Variants in DEPDC1B observed in about 807,000 individuals in gnomAD.
DEPDC1B encodes DEP domain-containing protein 1B.
Under a neutral mutation model 66.5 loss-of-function variants are expected in DEPDC1B, and 51 were observed. The observed-to-expected ratio is 0.77, with a 90% CI of 0.61 to 0.97. The LOEUF is 0.97. Ranked by LOEUF, DEPDC1B falls within the 50% of genes least tolerant of loss-of-function variation. DEPDC1B has a pLI of 0.00. For synonymous variants in DEPDC1B, 226 were observed against 223.6 expected, an observed-to-expected ratio of 1.01 and a Z score of -0.10; for missense variants, 552 against 637.1, an observed-to-expected ratio of 0.87 and a Z score of 1.44.
intron 7 of DEPDC1B, among the ~76,000 whole-genome samples, chr5:60,617,822 C>G (rs1584033490): frequency 6.6e-6 from 1 of 152,320 alleles, no homozygotes; most frequent in East Asian, 1.9e-4. Context: ...CACCCCAAAG[C>G]AACAGAATAT....
intron 7 of DEPDC1B, among the ~76,000 whole-genome samples, chr5:60,613,183 A>G (rs1451768524): frequency 6.6e-6 from 1 of 152,228 alleles, no homozygotes; most frequent in Non-Finnish European, 1.5e-5. Context: ...ATGGACAAAT[A>G]AACTGTGAAT....
chr5:60,603,047 G>C (rs1489540714), intron 9 of DEPDC1B, among the ~76,000 whole-genome samples: 1 of 152,148 alleles, frequency 6.6e-6, no homozygotes. Context: ...CAAAAAGTGG[G>C]AATATTAAAC....
intron 9 of DEPDC1B, among the ~76,000 whole-genome samples, chr5:60,602,069 G>A (rs1470322547): frequency 1.3e-5 from 2 of 151,174 alleles, no homozygotes; most frequent in South Asian, 4.2e-4. Context: ...AATGATGGGG[G>A]AATTTTTTTC....
At chr5:60,676,519 G>A (rs1379517990) in intron 2 of DEPDC1B, among the ~76,000 whole-genome samples, 4 of 152,158 alleles carry the variant, frequency 2.6e-5, no homozygotes, top group East Asian at 1.9e-4. Flanking sequence ...AGTCAGAAAT[G>A]TAAGAAATTC....
At chr5:60,677,326 A>ACACACACACTCTCTCTCT (rs770640655) in intron 2 of DEPDC1B, among the ~76,000 whole-genome samples, 17 of 108,564 alleles carry the variant, frequency 1.6e-4, no homozygotes, top group African/African-American at 6.7e-4. Flanking sequence ...ACACACACAC[A>ACACACACACTCTCTCTCT]CTCTCTCTCT....
Position 60,697,435 on chromosome 5 carries a change from G to C in DEPDC1B, c.48+2611C>G, listed in dbSNP as rs953278755. Among the ~76,000 whole-genome samples, 4 of 152,284 alleles carry C rather than the reference G, an allele frequency of 2.6e-5. No individual in the cohort carries two copies. The South Asian group carries it at 8.3e-4, about 32-fold the overall frequency. ...TTAGAATGAGCATGATGGGAAAAGG[G>C]AGAAATTGTATGCTGCAGATAGAGG... On this transcript the variant is annotated intron_variant, in intron 1 of 10. Transcript: ENST00000265036.
At chr5:60,668,563 A>G (rs1347885914) in intron 2 of DEPDC1B, among the ~76,000 whole-genome samples, 2 of 152,094 alleles carry the variant, frequency 1.3e-5, no homozygotes, top group African/African-American at 4.8e-5. Flanking sequence ...GGCATGAGCC[A>G]CCATGCCCGG....
intron 2 of DEPDC1B, among the ~76,000 whole-genome samples, chr5:60,662,986 C>A (rs1299183483): frequency 6.6e-6 from 1 of 152,184 alleles, no homozygotes; most frequent in East Asian, 1.9e-4. Context: ...AAATACTTCT[C>A]CTAGCCACTA....
chr5:60,699,443 G>GAAAAAAAACAAAAA (rs1754728186), intron 1 of DEPDC1B, among the ~76,000 whole-genome samples: 1 of 89,380 alleles, frequency 1.1e-5, no homozygotes, highest in Non-Finnish European at 2.0e-5. Context: ...TTTTCTCCCA[G>GAAAAAAAACAAAAA]AAAAAAAAAA....
intron 7 of DEPDC1B, among the ~76,000 whole-genome samples, chr5:60,632,830 T>C (rs1752956005): frequency 2.0e-5 from 3 of 152,214 alleles, no homozygotes; most frequent in Non-Finnish European, 4.4e-5. Context: ...TTTAGGTGGC[T>C]GTGGTGGTGT....
chr5:60,676,233 T>TTTC (rs5868247), intron 2 of DEPDC1B, among the ~76,000 whole-genome samples: 69,215 of 150,758 alleles, frequency 0.46, 17,221 homozygotes, highest in East Asian at 0.57. Flanking sequence ...CCCGGCCTTT[T>TTTC]TTTTTTTTTT....
intron 1 of DEPDC1B, among the ~76,000 whole-genome samples, chr5:60,699,443 G>A (rs200761579): frequency 8.7e-3 from 778 of 89,092 alleles, no homozygotes; most frequent in Middle Eastern, 0.015. Flanking sequence ...TTTTCTCCCA[G>A]AAAAAAAAAA....
chr5:60,621,566 G>T (rs1752702183), intron 7 of DEPDC1B, among the ~76,000 whole-genome samples: 2 of 151,630 alleles, frequency 1.3e-5, no homozygotes, highest in African/African-American at 4.8e-5. Context: ...GATAGCATTA[G>T]GAGACACACC....
At chr5:60,624,675 A>T (rs929395972) in intron 7 of DEPDC1B, among the ~76,000 whole-genome samples, 3 of 152,168 alleles carry the variant, frequency 2.0e-5, no homozygotes, top group Non-Finnish European at 4.4e-5. Context: ...CAATCATTTT[A>T]AATTTACTGA....
At chr5:60,676,581 G>A (rs1262903341) in intron 2 of DEPDC1B, among the ~76,000 whole-genome samples, 1 of 152,086 alleles carries the variant, frequency 6.6e-6, no homozygotes, top group Non-Finnish European at 1.5e-5. Context: ...GTTCCAGCCG[G>A]GTCATCCTCC....
At chr5:60,617,831 A>G (rs1752597858) in intron 7 of DEPDC1B, among the ~76,000 whole-genome samples, 1 of 152,208 alleles carries the variant, frequency 6.6e-6, no homozygotes, top group African/African-American at 2.4e-5. Context: ...GCAACAGAAT[A>G]TACATTCTTC....
At chr5:60,641,166 C>T (rs1311386450) in intron 6 of DEPDC1B, among the ~76,000 whole-genome samples, 1 of 152,152 alleles carries the variant, frequency 6.6e-6, no homozygotes, top group Non-Finnish European at 1.5e-5. Context: ...TTATTCTAAG[C>T]TTTCTGCAGA....
intron 2 of DEPDC1B, among the ~76,000 whole-genome samples, chr5:60,683,187 TGGG>T (rs1754336484): frequency 6.6e-6 from 1 of 152,110 alleles, no homozygotes; most frequent in Admixed American, 6.5e-5. Context: ...CCCAGCACTT[TGGG>T]AAGCTGAGGC....
At chr5:60,668,435 T>C (rs1379888490) in intron 2 of DEPDC1B, among the ~76,000 whole-genome samples, 3 of 151,400 alleles carry the variant, frequency 2.0e-5, no homozygotes, top group Non-Finnish European at 4.4e-5. Context: ...CCACCACGCC[T>C]GGCTAATTTT....
Sources: gnomAD v4.1 joint callset for allele counts (sites outside exome capture counted in the v4.1 genomes callset) on GRCh38, gnomAD v4.1.1 for gene constraint, MANE v1.5 for transcripts, NCBI Gene and HGNC (gene_info 2026-07-23, HGNC 2026-07-21) for gene names.